Variants in ROBO2 observed in about 807,000 individuals in gnomAD.
The protein encoded by ROBO2 is roundabout guidance receptor 2, also known as roundabout homolog 2.
ROBO2 carries 53 observed loss-of-function variants against 160.8 expected under a neutral mutation model. The ratio of observed to expected loss-of-function variants is 0.33; its 90% CI spans 0.26 to 0.41. The LOEUF is 0.41. Among genes scored for constraint, ROBO2 ranks in the 10% least tolerant of loss-of-function variants. The pLI is 1.00. For synonymous variants in ROBO2, 664 were observed against 611.7 expected (o/e 1.09, Z -1.26); for missense variants, 1,577 against 1,722.4 (o/e 0.92, Z 1.49).
intron 2 of ROBO2, among the ~76,000 whole-genome samples, chr3:76,594,915 G>A (rs905209114): frequency 6.6e-6 from 1 of 151,946 alleles, no homozygotes; most frequent in East Asian, 1.9e-4. Flanking sequence ...GACTAAATTT[G>A]TTCCCCCCAA....
At chr3:76,888,797 C>T (rs942994595) in intron 2 of ROBO2, among the ~76,000 whole-genome samples, 1 of 152,130 alleles carries the variant, frequency 6.6e-6, no homozygotes, top group Non-Finnish European at 1.5e-5. Flanking sequence ...GATTTATTGG[C>T]TCAGTTTGTA....
At chr3:77,455,665 C>T (rs1157414026) in intron 2 of ROBO2, among the ~76,000 whole-genome samples, 4 of 151,502 alleles carry the variant, frequency 2.6e-5, no homozygotes, top group East Asian at 3.9e-4. Context: ...CTCCTGACCT[C>T]GTGATCCGCC....
chr3:77,373,003 C>T (rs1055747155), intron 2 of ROBO2, among the ~76,000 whole-genome samples: 5 of 149,504 alleles, frequency 3.3e-5, no homozygotes, highest in African/African-American at 1.2e-4. Context: ...TCCACTTACT[C>T]CACCAGGTAT....
intron 2 of ROBO2, among the ~76,000 whole-genome samples, chr3:76,878,478 CATAA>C (rs1306981615): frequency 1.3e-5 from 2 of 152,124 alleles, no homozygotes; most frequent in Non-Finnish European, 2.9e-5. Context: ...ACATTTCCCA[CATAA>C]ATAAGTATAA....
chr3:76,799,221 A>C (rs1449582731), intron 2 of ROBO2, among the ~76,000 whole-genome samples: 1 of 135,934 alleles, frequency 7.4e-6, no homozygotes, highest in Non-Finnish European at 1.7e-5. Context: ...CTCAAAAAAA[A>C]CAAAAACAAA....
chr3:76,678,122 C>A (rs1359729130), intron 2 of ROBO2, among the ~76,000 whole-genome samples: 1 of 151,520 alleles, frequency 6.6e-6, no homozygotes, highest in East Asian at 1.9e-4. Flanking sequence ...AGGCACACAC[C>A]ACCACGCCCG....
intron 2 of ROBO2, among the ~76,000 whole-genome samples, chr3:76,029,336 A>G (rs2066843412): frequency 6.6e-6 from 1 of 151,974 alleles, no homozygotes; most frequent in African/African-American, 2.4e-5. Flanking sequence ...TAAATATTTG[A>G]AAATCTATAA....
chr3:75,993,844 T>G (rs1417515411), intron 2 of ROBO2, among the ~76,000 whole-genome samples: 3 of 152,192 alleles, frequency 2.0e-5, no homozygotes, highest in Admixed American at 1.3e-4. Flanking sequence ...CCAGCTATTC[T>G]CTTTCTCATA....
intron 2 of ROBO2, among the ~76,000 whole-genome samples, chr3:76,891,241 A>G (rs2074322895): frequency 6.6e-6 from 1 of 152,184 alleles, no homozygotes; most frequent in Non-Finnish European, 1.5e-5. Flanking sequence ...AGATTGAACA[A>G]TAGTTTTTTC....
At chr3:76,432,910 A>G (rs1048712071) in intron 2 of ROBO2, among the ~76,000 whole-genome samples, 1 of 151,838 alleles carries the variant, frequency 6.6e-6, no homozygotes. Context: ...GGAGGGAGAA[A>G]AAGATGGGAG....
At chr3:77,127,218 CTTTT>C (rs987678962) in intron 2 of ROBO2, among the ~76,000 whole-genome samples, 4 of 152,056 alleles carry the variant, frequency 2.6e-5, no homozygotes, top group Non-Finnish European at 5.9e-5. Flanking sequence ...TCAGGAGCAC[CTTTT>C]TTGTTTCAAA....
At chr3:77,314,762 G>A (rs1315655413) in intron 2 of ROBO2, among the ~76,000 whole-genome samples, 1 of 152,132 alleles carries the variant, frequency 6.6e-6, no homozygotes, top group Non-Finnish European at 1.5e-5. Flanking sequence ...GAGGATGGGA[G>A]GGCAGACAGA....
chr3:77,272,316 G>A (rs1365324335), intron 2 of ROBO2, among the ~76,000 whole-genome samples: 1 of 152,156 alleles, frequency 6.6e-6, no homozygotes, highest in Admixed American at 6.6e-5. Flanking sequence ...AGCTGTAGAG[G>A]CAGCATGGCT....
At chr3:76,792,743 A>C (rs536975635) in intron 2 of ROBO2, among the ~76,000 whole-genome samples, 44 of 151,910 alleles carry the variant, frequency 2.9e-4, no homozygotes, top group South Asian at 8.3e-4. Context: ...ACAACAACAA[A>C]AAAATCCTCT....
intron 2 of ROBO2, among the ~76,000 whole-genome samples, chr3:76,095,565 A>G (rs1258298476): frequency 6.6e-6 from 1 of 152,166 alleles, no homozygotes; most frequent in Non-Finnish European, 1.5e-5. Flanking sequence ...ATGGTTGTCT[A>G]TATATGAAGG....
At chr3:77,588,684 C>A in intron 16 of ROBO2, 67 bp from the exon 18 acceptor site, 6 of 1,428,836 alleles carry the variant, frequency 4.2e-6, no homozygotes, top group Non-Finnish European at 5.8e-6. Context: ...ATTTTTGATG[C>A]ACCATGTTTA....
intron 2 of ROBO2, among the ~76,000 whole-genome samples, chr3:76,551,127 G>A (rs959072214): frequency 2.0e-5 from 3 of 152,022 alleles, no homozygotes; most frequent in African/African-American, 7.3e-5. Context: ...GCCATCCATG[G>A]AAGCACAATC....
chr3:77,009,074 A>G (rs142899541), intron 2 of ROBO2, among the ~76,000 whole-genome samples: 2 of 152,284 alleles, frequency 1.3e-5, no homozygotes, highest in African/African-American at 4.8e-5. Context: ...TATCTCTCCA[A>G]TAAAAATAAA....
intron 2 of ROBO2, among the ~76,000 whole-genome samples, chr3:76,476,167 A>C (rs2078921755): frequency 2.6e-5 from 4 of 152,188 alleles, no homozygotes; most frequent in Non-Finnish European, 5.9e-5. Context: ...AAACAAAAAA[A>C]CCCAAAGAAA....
Sources: allele counts gnomAD v4.1 joint callset (sites outside exome capture counted in the v4.1 genomes callset), GRCh38; gene constraint gnomAD v4.1.1; transcripts MANE v1.5; gene names NCBI Gene and HGNC (gene_info 2026-07-23, HGNC 2026-07-21).